Variants in ST8SIA1 observed in about 807,000 individuals in gnomAD.
ST8SIA1 encodes the protein alpha-N-acetylneuraminide alpha-2,8-sialyltransferase.
ST8SIA1 carries 16 observed loss-of-function variants against 35.9 expected under a neutral mutation model. That is an observed-to-expected ratio of 0.45 (90% CI 0.30 to 0.68). The LOEUF is 0.68. Ranked by LOEUF, ST8SIA1 falls within the 30% of genes least tolerant of loss-of-function variation. ST8SIA1 has a pLI of 0.09. For synonymous variants in ST8SIA1, 170 were observed against 169.6 expected (o/e 1.00, Z -0.02); for missense variants, 383 against 453.6 (o/e 0.84, Z 1.41).
rs767343079 is a variant in ST8SIA1, at chr12:22,197,320, A to C, written c.*4232T>G. On this transcript the variant is annotated 3_prime_UTR_variant, in exon 5 of 5. Coordinates refer to ENST00000396037, the MANE Select transcript of ST8SIA1 (RefSeq NM_003034.4). ...CTTTGGAATTCTACAAACATAGAGA[A>C]TATATTACCTGGTGCTGGTGGGAAA... 11 of 152,214 alleles carry C rather than the reference A, an allele frequency of 7.2e-5. No individual in the cohort carries two copies. The highest frequency in any genetic ancestry group is 1.5e-4 in the Non-Finnish European group (10 of 68,046). The allele number at this position is 152,214 out of a possible 1,614,324, so 9.4% of individuals were successfully genotyped here. A position where few individuals can be genotyped will look rare whatever the true frequency, so the allele number is the denominator to read the frequency against.
At chr12:22,218,355 T>A (rs1056113058) in intron 4 of ST8SIA1, among the ~76,000 whole-genome samples, 15 of 148,770 alleles carry the variant, frequency 1.0e-4, no homozygotes, top group Non-Finnish European at 1.8e-4. Context: ...CAGTGGCTCA[T>A]GCCTGTAAAC....
At position 22,201,381 on chromosome 12, in the gene ST8SIA1, G is replaced by T; in HGVS notation, c.*171C>A. 1 of 831,430 alleles carries T rather than the reference G, an allele frequency of 1.2e-6. No homozygotes were observed. The highest frequency in any genetic ancestry group is 2.3e-5 in the South Asian group (1 of 44,286). The allele number at this position is 831,430 out of a possible 1,614,324, so 51.5% of individuals were successfully genotyped here. A position where few individuals can be genotyped will look rare whatever the true frequency, so the allele number is the denominator to read the frequency against. ...TCATAGGATGTTTCATTTCTTATTT[G>T]TCCTCCAAGCCAACGCTGAAAGTAA... On this transcript the variant is annotated 3_prime_UTR_variant, in exon 5 of 5. Coordinates refer to ENST00000396037, the MANE Select transcript of ST8SIA1 (RefSeq NM_003034.4).
chr12:22,236,302 C>T lies in ST8SIA1; in HGVS notation c.584+12704G>A, dbSNP rs562403194. 1.4e-4 allele frequency among the ~76,000 whole-genome samples: 21 copies of T among 152,298 alleles called. No individual in the cohort carries two copies. In the South Asian group the frequency reaches 4.4e-3, roughly 32 times the overall value. On this transcript the variant is annotated intron_variant, in intron 4 of 4. Coordinates refer to ENST00000396037, the MANE Select transcript of ST8SIA1 (RefSeq NM_003034.4). ...GAAACAGTTCCATATACAGACAGCA[C>T]ACCTTCAAAACAAAATTCTGGTGCT...
intron 1 of ST8SIA1, among the ~76,000 whole-genome samples, chr12:22,330,992 T>C (rs1036889494): frequency 9.2e-5 from 14 of 152,188 alleles, no homozygotes; most frequent in Admixed American, 5.9e-4. Context: ...ACATAAACAT[T>C]AGGAAAACTT....
At chr12:22,220,172 T>A (rs1034009353) in intron 4 of ST8SIA1, among the ~76,000 whole-genome samples, 1 of 152,172 alleles carries the variant, frequency 6.6e-6, no homozygotes, top group Non-Finnish European at 1.5e-5. Flanking sequence ...AACAGAACAG[T>A]CAACTCCAAG....
intron 4 of ST8SIA1, among the ~76,000 whole-genome samples, chr12:22,218,356 G>A (rs1179008778): frequency 6.7e-6 from 1 of 149,650 alleles, no homozygotes; most frequent in Admixed American, 6.7e-5. Context: ...AGTGGCTCAT[G>A]CCTGTAAACT....
intron 4 of ST8SIA1, among the ~76,000 whole-genome samples, chr12:22,221,484 T>G (rs1034603965): frequency 2.0e-5 from 3 of 152,104 alleles, no homozygotes; most frequent in African/African-American, 7.2e-5. Flanking sequence ...AAGAGAGAAA[T>G]AGCAAAGTGT....
chr12:22,290,200 C>T (rs112851181), intron 1 of ST8SIA1, among the ~76,000 whole-genome samples: 1 of 152,070 alleles, frequency 6.6e-6, no homozygotes, highest in South Asian at 2.1e-4. Context: ...AAACTTTTCC[C>T]TTCATCCAGA....
chr12:22,203,614 A>C (rs1026926197), intron 4 of ST8SIA1, among the ~76,000 whole-genome samples: 5 of 152,164 alleles, frequency 3.3e-5, no homozygotes, highest in African/African-American at 1.2e-4. Context: ...AGAAGTAATA[A>C]CAGGGTCTTT....
At chr12:22,203,653 C>G (rs959646654) in intron 4 of ST8SIA1, among the ~76,000 whole-genome samples, 9 of 152,078 alleles carry the variant, frequency 5.9e-5, no homozygotes, top group African/African-American at 2.2e-4. Context: ...TTAGAAGAAG[C>G]CATGGAAGCA....
At chr12:22,329,445 GCTGA>G (rs769873972) in intron 1 of ST8SIA1, among the ~76,000 whole-genome samples, 2 of 152,142 alleles carry the variant, frequency 1.3e-5, no homozygotes, top group Non-Finnish European at 2.9e-5. Flanking sequence ...TGTGATTATT[GCTGA>G]TGAGATTTTT....
intron 4 of ST8SIA1, among the ~76,000 whole-genome samples, chr12:22,221,285 G>A (rs1164629398): frequency 6.6e-6 from 1 of 152,048 alleles, no homozygotes; most frequent in African/African-American, 2.4e-5. Context: ...CAGAAGAATG[G>A]GAAGCAAAAG....
intron 2 of ST8SIA1, among the ~76,000 whole-genome samples, chr12:22,269,442 T>C (rs1865886161): frequency 6.6e-6 from 1 of 152,198 alleles, no homozygotes; most frequent in Non-Finnish European, 1.5e-5. Flanking sequence ...CTAACCAAAA[T>C]GGGATCAGGT....
At chr12:22,248,406 C>A (rs534653690) in intron 4 of ST8SIA1, among the ~76,000 whole-genome samples, 7 of 152,180 alleles carry the variant, frequency 4.6e-5, no homozygotes, top group East Asian at 1.9e-4. Flanking sequence ...CCCCCTCCCC[C>A]ACCCCCGCAG....
intron 4 of ST8SIA1, among the ~76,000 whole-genome samples, chr12:22,241,412 TCTCTTG>T (rs1402557685): frequency 2.0e-5 from 3 of 152,046 alleles, no homozygotes; most frequent in Non-Finnish European, 2.9e-5. Flanking sequence ...TCACTCGCTG[TCTCTTG>T]CTCCTGCTCC....
Position 22,304,033 on chromosome 12 carries a change from G to A in ST8SIA1, c.237-16740C>T, listed in dbSNP as rs191953281. On this transcript the variant is annotated intron_variant, in intron 1 of 4. Transcript: ENST00000396037. Reference sequence around the variant, plus strand: ...AAAAGAGCAATGGCTGTCGTCTCACGCTGCTGTTCCATAGCTAAGGGTTCT... The same window carrying A: ...AAAAGAGCAATGGCTGTCGTCTCACACTGCTGTTCCATAGCTAAGGGTTCT... 2.7e-3 allele frequency among the ~76,000 whole-genome samples: 408 copies of A among 152,288 alleles called. 2 individuals are homozygous for A. The highest frequency in any genetic ancestry group is 9.0e-3 in the African/African-American group (376 of 41,564).
rs1413113425 is a variant in ST8SIA1, at chr12:22,198,895, G to A, written c.*2657C>T. On this transcript the variant is annotated 3_prime_UTR_variant, in exon 5 of 5. Coordinates refer to ENST00000396037, the MANE Select transcript of ST8SIA1 (RefSeq NM_003034.4). ...AAGTACATGCTATTAGCACCCTTGAGTCATGAAAATAAAAAATGTCTCTGG... is the reference window on the plus strand; with the variant it reads ...AAGTACATGCTATTAGCACCCTTGAATCATGAAAATAAAAAATGTCTCTGG... 4.6e-5 allele frequency: 7 copies of A among 152,038 alleles called. No individual in the cohort carries two copies. The highest frequency in any genetic ancestry group is 1.0e-4 in the Non-Finnish European group (7 of 68,022). 9.4% of individuals were successfully genotyped at this position (152,038 alleles called of 1,614,324 possible). A position where few individuals can be genotyped will look rare whatever the true frequency, so the allele number is the denominator to read the frequency against.
chr12:22,327,851 C>A (rs1161969814), intron 1 of ST8SIA1, among the ~76,000 whole-genome samples: 2 of 152,164 alleles, frequency 1.3e-5, no homozygotes, highest in East Asian at 3.8e-4. Flanking sequence ...ACAGAGACAC[C>A]TCCTTTCTCT....
chr12:22,314,801 C>A (rs1308789534), intron 1 of ST8SIA1, among the ~76,000 whole-genome samples: 3 of 152,136 alleles, frequency 2.0e-5, no homozygotes, highest in Non-Finnish European at 4.4e-5. Context: ...GTACTTCTCC[C>A]AGATTCATGC....
Sources: allele counts gnomAD v4.1 joint callset (sites outside exome capture counted in the v4.1 genomes callset), GRCh38; gene constraint gnomAD v4.1.1; transcripts MANE v1.5; gene names NCBI Gene and HGNC (gene_info 2026-07-23, HGNC 2026-07-21).